The following TMEM178B variants were observed in gnomAD, a reference collection of about 807,000 sequenced individuals.
TMEM178B encodes transmembrane protein 178B.
In TMEM178B, 5 loss-of-function variants were observed where a neutral mutation model predicts 31.0. The observed-to-expected ratio is 0.16, with a 90% CI of 0.08 to 0.34. The LOEUF (loss-of-function observed/expected upper bound fraction) is 0.34, where lower values mean the gene tolerates loss of function less well. Among genes scored for constraint, TMEM178B ranks in the 10% least tolerant of loss-of-function variants. The probability of loss-of-function intolerance (pLI) is 1.00; values close to 1 mark genes in which losing one functional copy is unlikely to be tolerated. For synonymous variants in TMEM178B, 164 were observed against 164.0 expected (o/e 1.00, Z 0.00); for missense variants, 275 against 400.3 (o/e 0.69, Z 2.67).
chr7:141,425,297 A>G (rs1000866711), intron 2 of TMEM178B, among the ~76,000 whole-genome samples: 3 of 152,134 alleles, frequency 2.0e-5, no homozygotes, highest in Non-Finnish European at 4.4e-5. Context: ...CCATCTTCTA[A>G]TTGTTTTGTA....
At chr7:141,233,792 C>T (rs772433096) in intron 2 of TMEM178B, among the ~76,000 whole-genome samples, 5 of 152,200 alleles carry the variant, frequency 3.3e-5, no homozygotes, top group African/African-American at 7.2e-5. Flanking sequence ...ATGCCAAGTT[C>T]GACCTCTTTG....
Position 141,470,811 on chromosome 7 carries a change from T to C in TMEM178B, c.*25T>C, listed in dbSNP as rs1802226589. 4.0e-6 allele frequency: 4 copies of C among 1,003,448 alleles called. No homozygotes were observed. Among genetic ancestry groups the C allele is most frequent in the Non-Finnish European group, 5.0e-6 (4 of 805,088 alleles). 62.2% of individuals were successfully genotyped at this position (1,003,448 alleles called of 1,614,324 possible). On this transcript the variant is annotated 3_prime_UTR_variant, in exon 4 of 4. Coordinates refer to ENST00000565468, the MANE Select transcript of TMEM178B (RefSeq NM_001195278.2). Reference sequence around the variant, plus strand: ...AAAAACAAACCCATACATACATATATATATATAAATATATATATATAATAT... The same window carrying C: ...AAAAACAAACCCATACATACATATACATATATAAATATATATATATAATAT...
At chr7:141,391,842 G>A (rs1000631430) in intron 2 of TMEM178B, among the ~76,000 whole-genome samples, 3 of 152,148 alleles carry the variant, frequency 2.0e-5, no homozygotes, top group Admixed American at 2.0e-4. Context: ...CATCCATGTT[G>A]TAGCATGTGT....
intron 1 of TMEM178B, among the ~76,000 whole-genome samples, chr7:141,197,598 A>G (rs775298890): frequency 1.1e-4 from 16 of 152,166 alleles, no homozygotes; most frequent in South Asian, 2.1e-4. Context: ...TGGGGTTTCT[A>G]CATTCTGTCT....
intron 1 of TMEM178B, among the ~76,000 whole-genome samples, chr7:141,140,272 C>T (rs1795749508): frequency 6.6e-6 from 1 of 152,220 alleles, no homozygotes; most frequent in Non-Finnish European, 1.5e-5. Context: ...TGAACTTTCT[C>T]CTCTCCTTAC....
At chr7:141,271,506 G>C (rs1487430091) in intron 2 of TMEM178B, among the ~76,000 whole-genome samples, 1 of 152,190 alleles carries the variant, frequency 6.6e-6, no homozygotes, top group Non-Finnish European at 1.5e-5. Flanking sequence ...CAGTGCATAG[G>C]AAGAGTCTGC....
intron 3 of TMEM178B, among the ~76,000 whole-genome samples, chr7:141,443,265 G>C (rs1447343227): frequency 1.3e-5 from 2 of 152,156 alleles, no homozygotes; most frequent in African/African-American, 4.8e-5. Flanking sequence ...TATTACTAAT[G>C]AGTAAATATG....
intron 2 of TMEM178B, among the ~76,000 whole-genome samples, chr7:141,257,091 G>C (rs951608623): frequency 6.6e-6 from 1 of 152,150 alleles, no homozygotes; most frequent in African/African-American, 2.4e-5. Flanking sequence ...AAATTGGAAG[G>C]ATCCAAGAAA....
At chr7:141,359,090 A>G (rs148382415) in intron 2 of TMEM178B, among the ~76,000 whole-genome samples, 81 of 152,374 alleles carry the variant, frequency 5.3e-4, no homozygotes, top group African/African-American at 1.4e-3. Flanking sequence ...TAAATGAACT[A>G]GCCCCAAGAA....
chr7:141,117,399 T>C (rs1346702496), intron 1 of TMEM178B, among the ~76,000 whole-genome samples: 2 of 152,230 alleles, frequency 1.3e-5, no homozygotes, highest in African/African-American at 2.4e-5. Context: ...TTGTAGATTC[T>C]GGATATTAGC....
At chr7:141,408,354 T>G (rs2116630170) in intron 2 of TMEM178B, among the ~76,000 whole-genome samples, 1 of 152,330 alleles carries the variant, frequency 6.6e-6, no homozygotes. Context: ...CTGAATATTA[T>G]GTGCCAAGCA....
chr7:141,325,042 A>C (rs1162965272), intron 2 of TMEM178B, among the ~76,000 whole-genome samples: 1 of 152,116 alleles, frequency 6.6e-6, no homozygotes. Flanking sequence ...GAAGCAAAAA[A>C]AATCCTGCCT....
intron 2 of TMEM178B, among the ~76,000 whole-genome samples, chr7:141,327,672 G>A (rs1389247999): frequency 6.6e-6 from 1 of 152,130 alleles, no homozygotes; most frequent in Non-Finnish European, 1.5e-5. Flanking sequence ...GGACATGTTG[G>A]GAGGTAGGAC....
At chr7:141,088,252 C>T (rs550349545) in intron 1 of TMEM178B, among the ~76,000 whole-genome samples, 44 of 152,172 alleles carry the variant, frequency 2.9e-4, no homozygotes, top group African/African-American at 1.1e-3. Context: ...TGTGGCTTCT[C>T]TGCTTGCCTG....
At chr7:141,497,419 T>C in the TMEM178B span, among the ~76,000 whole-genome samples, 27 of 152,350 alleles carry the variant, frequency 1.8e-4, no homozygotes, top group South Asian at 5.0e-3. Flanking sequence ...TCCTTAACTT[T>C]AAGTTGTGAT....
intron 3 of TMEM178B, among the ~76,000 whole-genome samples, chr7:141,456,329 G>C (rs964088869): frequency 6.6e-6 from 1 of 152,192 alleles, no homozygotes; most frequent in African/African-American, 2.4e-5. Context: ...GATCCAGAGA[G>C]ATGAAGTGAT....
At chr7:141,304,695 T>G (rs1274966478) in intron 2 of TMEM178B, among the ~76,000 whole-genome samples, 1 of 152,204 alleles carries the variant, frequency 6.6e-6, no homozygotes, top group African/African-American at 2.4e-5. Flanking sequence ...TAGCATGCTC[T>G]TCATCACCTT....
At chr7:141,200,048 C>T (rs1796851105) in intron 1 of TMEM178B, among the ~76,000 whole-genome samples, 1 of 151,420 alleles carries the variant, frequency 6.6e-6, no homozygotes, top group Non-Finnish European at 1.5e-5. Flanking sequence ...GAGACTCTGT[C>T]TCAAAAAAAA....
intron 1 of TMEM178B, among the ~76,000 whole-genome samples, chr7:141,200,227 G>A (rs981719210): frequency 1.3e-5 from 2 of 152,188 alleles, no homozygotes; most frequent in Non-Finnish European, 2.9e-5. Context: ...TGATGTGGAA[G>A]CATAGGTAGA....
Sources: gnomAD v4.1 joint callset for allele counts (sites outside exome capture counted in the v4.1 genomes callset) on GRCh38, gnomAD v4.1.1 for gene constraint, MANE v1.5 for transcripts, NCBI Gene and HGNC (gene_info 2026-07-23, HGNC 2026-07-21) for gene names.